SLC16A7: variants seen among roughly 807,000 people sequenced by gnomAD.
SLC16A7 encodes the protein monocarboxylate transporter 2.
Under a neutral mutation model 34.9 loss-of-function variants are expected in SLC16A7, and 33 were observed. That is an observed-to-expected ratio of 0.94 (90% CI 0.72 to 1.26). SLC16A7 has a LOEUF of 1.26. Among genes scored for constraint, SLC16A7 ranks in the 50% most tolerant of loss-of-function variants. The probability of loss-of-function intolerance (pLI) is 0.00; values close to 1 mark genes in which losing one functional copy is unlikely to be tolerated. For missense variants in SLC16A7, 573 were observed against 578.1 expected, an observed-to-expected ratio of 0.99 and a Z score of 0.09; for synonymous variants, 201 against 206.6, an observed-to-expected ratio of 0.97 and a Z score of 0.23.
chr12:59,662,571 G>T (rs187707631), intron 2 of SLC16A7, among the ~76,000 whole-genome samples: 1 of 152,152 alleles, frequency 6.6e-6, no homozygotes, highest in African/African-American at 2.4e-5. Flanking sequence ...TGGTGAACAG[G>T]TCTGTTTTGC....
chr12:59,668,698 C>T lies in SLC16A7; in HGVS notation c.-31+13448C>T, dbSNP rs147049916. Among the ~76,000 whole-genome samples, 371 of 152,108 alleles carry T rather than the reference C, an allele frequency of 2.4e-3. 1 individual carries two copies. Among genetic ancestry groups the T allele is most frequent in the African/African-American group, 8.5e-3 (351 of 41,482 alleles). ...AGACTTTGAGGGATTTTTGGGAAGG[C>T]ATGATGGGTTTTAAAATGTGAAAAC... On this transcript the variant is annotated intron_variant, in intron 2 of 5. Transcript: ENST00000547379.
At position 59,785,780 on chromosome 12, in the gene SLC16A7, G is replaced by T. The variant is rs956763681; in HGVS notation, c.*6101G>T. ...AAATATTTTTCACATGATCAAACAG[G>T]ATTTTTTGTTTCTTTTTAATTTAAA... On this transcript the variant is annotated 3_prime_UTR_variant, in exon 6 of 6. Coordinates refer to ENST00000547379, the MANE Select transcript of SLC16A7 (RefSeq NM_001270623.2). 1 of 151,928 alleles carries T rather than the reference G, an allele frequency of 6.6e-6. No individual in the cohort carries two copies. The highest frequency in any genetic ancestry group is 1.5e-5 in the Non-Finnish European group (1 of 67,992). 9.4% of individuals were successfully genotyped at this position (151,928 alleles called of 1,614,324 possible).
chr12:59,713,495 A>G (rs1874502895), intron 3 of SLC16A7, among the ~76,000 whole-genome samples: 1 of 152,218 alleles, frequency 6.6e-6, no homozygotes, highest in Non-Finnish European at 1.5e-5. Context: ...AGTTTGATGG[A>G]TTATGTCACA....
chr12:59,726,671 G>T (rs575568305), intron 3 of SLC16A7, among the ~76,000 whole-genome samples: 1 of 152,236 alleles, frequency 6.6e-6, no homozygotes, highest in Admixed American at 6.5e-5. Flanking sequence ...AGGACCAGGA[G>T]ATCTGATTTC....
intron 3 of SLC16A7, among the ~76,000 whole-genome samples, chr12:59,765,475 G>A (rs531440744): frequency 6.6e-6 from 1 of 151,976 alleles, no homozygotes; most frequent in Non-Finnish European, 1.5e-5. Context: ...GGTCTAACAT[G>A]TAAGTCTTTA....
At position 59,750,684 on chromosome 12, in the gene SLC16A7, A is replaced by G. The variant is rs910579472; in HGVS notation, c.218-20535A>G. 2.6e-5 allele frequency among the ~76,000 whole-genome samples: 4 copies of G among 152,184 alleles called. No individual in the cohort carries two copies. In the South Asian group the frequency reaches 8.3e-4, roughly 31 times the overall value. On this transcript the variant is annotated intron_variant, in intron 3 of 5. Transcript: ENST00000547379. ...TCAAGGATCTAGAACTAGAAATACA[A>G]TTTGACCCAGCAATCCCATTACTGG...
intron 3 of SLC16A7, among the ~76,000 whole-genome samples, chr12:59,766,476 A>G (rs1381642951): frequency 6.6e-6 from 1 of 152,132 alleles, no homozygotes; most frequent in Non-Finnish European, 1.5e-5. Context: ...TTTGTCATAG[A>G]TAGCTCTTAT....
At chr12:59,686,095 CTTTTTT>C (rs572779305) in intron 2 of SLC16A7, among the ~76,000 whole-genome samples, 18 of 93,520 alleles carry the variant, frequency 1.9e-4, no homozygotes, top group Non-Finnish European at 3.4e-4. Flanking sequence ...AAGAACTTTT[CTTTTTT>C]TTTTTTTTTT....
intron 2 of SLC16A7, among the ~76,000 whole-genome samples, chr12:59,696,172 A>T (rs1565654289): frequency 6.6e-6 from 1 of 151,754 alleles, no homozygotes; most frequent in African/African-American, 2.4e-5. Context: ...ACAAAACCTA[A>T]TTTTTTTAAT....
intron 2 of SLC16A7, among the ~76,000 whole-genome samples, chr12:59,655,966 C>G (rs1451976710): frequency 6.6e-6 from 1 of 152,010 alleles, no homozygotes; most frequent in Non-Finnish European, 1.5e-5. Flanking sequence ...TATAACTAGT[C>G]TATACTCTTT....
chr12:59,734,498 G>A (rs549193421), intron 3 of SLC16A7, among the ~76,000 whole-genome samples: 1 of 152,240 alleles, frequency 6.6e-6, no homozygotes, highest in Non-Finnish European at 1.5e-5. Flanking sequence ...CTGGAGCCAT[G>A]GCTAGGCAGC....
At chr12:59,644,456 A>G (rs1174690426) in intron 1 of SLC16A7, among the ~76,000 whole-genome samples, 1 of 152,082 alleles carries the variant, frequency 6.6e-6, no homozygotes, top group Non-Finnish European at 1.5e-5. Context: ...AATCCCAGCT[A>G]CTTGGGAGGC....
At chr12:59,640,454 T>G (rs1880630383) in intron 1 of SLC16A7, among the ~76,000 whole-genome samples, 1 of 152,094 alleles carries the variant, frequency 6.6e-6, no homozygotes, top group African/African-American at 2.4e-5. Flanking sequence ...TAATTTAGAA[T>G]TTCACTTTTC....
At chr12:59,656,814 T>G (rs1868560326) in intron 2 of SLC16A7, among the ~76,000 whole-genome samples, 1 of 151,998 alleles carries the variant, frequency 6.6e-6, no homozygotes, top group South Asian at 2.1e-4. Context: ...GGTTGTAATA[T>G]GTCATATGGT....
intron 3 of SLC16A7, among the ~76,000 whole-genome samples, chr12:59,740,131 C>G (rs1432018281): frequency 1.3e-5 from 2 of 151,416 alleles, no homozygotes; most frequent in Non-Finnish European, 2.9e-5. Context: ...TGCCTATGTC[C>G]TGAATGGTAA....
At chr12:59,621,959 C>T (rs888406209) in intron 1 of SLC16A7, among the ~76,000 whole-genome samples, 15 of 151,710 alleles carry the variant, frequency 9.9e-5, no homozygotes, top group African/African-American at 2.9e-4. Context: ...CCTCCAATCA[C>T]GCACACTTTT....
At chr12:59,687,218 G>T (rs7136019) in intron 2 of SLC16A7, among the ~76,000 whole-genome samples, 39,111 of 151,592 alleles carry the variant, frequency 0.26, 5,212 homozygotes, top group East Asian at 0.35. Context: ...GCTAAGTGGG[G>T]GGTGGGGGCA....
chr12:59,669,518 T>C (rs1329713491), intron 2 of SLC16A7, among the ~76,000 whole-genome samples: 1 of 152,162 alleles, frequency 6.6e-6, no homozygotes, highest in Non-Finnish European at 1.5e-5. Context: ...CACATGCTTC[T>C]CAGTTTCCAT....
intron 1 of SLC16A7, among the ~76,000 whole-genome samples, chr12:59,630,825 A>G (rs1175510025): frequency 1.3e-5 from 2 of 151,940 alleles, no homozygotes; most frequent in Non-Finnish European, 2.9e-5. Flanking sequence ...GATTAAAATC[A>G]GTGGTTTCAT....
Sources: gnomAD v4.1 joint callset for allele counts (sites outside exome capture counted in the v4.1 genomes callset) on GRCh38, gnomAD v4.1.1 for gene constraint, MANE v1.5 for transcripts, NCBI Gene and HGNC (gene_info 2026-07-23, HGNC 2026-07-21) for gene names.